DLG2: variants seen among roughly 807,000 people sequenced by gnomAD.
DLG2 encodes the protein disks large homolog 2.
A neutral mutation model predicts 132.5 loss-of-function variants in DLG2; 45 were observed. The observed-to-expected ratio is 0.34, with a 90% CI of 0.27 to 0.44. DLG2 has a LOEUF of 0.44. Ranked by LOEUF, DLG2 falls within the 20% of genes least tolerant of loss-of-function variation. DLG2 has a pLI of 1.00. For synonymous variants in DLG2, 424 were observed against 419.6 expected (o/e 1.01, Z -0.13); for missense variants, 1,045 against 1,196.9 (o/e 0.87, Z 1.87).
intron 18 of DLG2, among the ~76,000 whole-genome samples, chr11:83,743,891 C>T (rs552196199): frequency 3.9e-5 from 6 of 152,180 alleles, no homozygotes; most frequent in South Asian, 2.1e-4. Flanking sequence ...ATATTTATTA[C>T]GTACTGGGTA....
intron 6 of DLG2, among the ~76,000 whole-genome samples, chr11:85,054,322 A>G (rs780782182): frequency 2.0e-5 from 3 of 152,074 alleles, no homozygotes; most frequent in Non-Finnish European, 4.4e-5. Context: ...ACAATGAAAT[A>G]CTATCTCATA....
intron 6 of DLG2, among the ~76,000 whole-genome samples, chr11:84,537,612 T>C (rs17734964): frequency 6.6e-6 from 1 of 152,198 alleles, no homozygotes; most frequent in Non-Finnish European, 1.5e-5. Flanking sequence ...AACTTCTTCA[T>C]GTGCATGTTC....
intron 7 of DLG2, among the ~76,000 whole-genome samples, chr11:84,431,351 G>A: frequency 6.6e-6 from 1 of 152,100 alleles, no homozygotes; most frequent in Non-Finnish European, 1.5e-5. Context: ...CTAAAAACTA[G>A]TAGTAATAAT....
At chr11:85,071,690 G>T (rs1461787552) in intron 6 of DLG2, among the ~76,000 whole-genome samples, 4 of 151,698 alleles carry the variant, frequency 2.6e-5, no homozygotes, top group African/African-American at 7.3e-5. Flanking sequence ...AACATAAACT[G>T]ATCCTTGTAT....
In DLG2 at chr11:83,935,909, G is replaced by A. The variant is rs952472631; in HGVS notation, c.1341-5426C>T. On this transcript the variant is annotated intron_variant, in intron 14 of 27. Coordinates refer to ENST00000376104, the MANE Select transcript of DLG2 (RefSeq NM_001142699.3). ...TTCTTAACATCCTCATCTGGAAAGT[G>A]GGAATAGTAATATCAGCCTAAAGAT... Among the ~76,000 whole-genome samples the A allele has an allele frequency of 8.5e-5, 13 of 152,134 alleles. 1 individual carries two copies. Among genetic ancestry groups the A allele is most frequent in the African/African-American group, 3.1e-4 (13 of 41,422 alleles).
At chr11:84,123,969 G>A (rs2094041953) in intron 9 of DLG2, among the ~76,000 whole-genome samples, 1 of 152,142 alleles carries the variant, frequency 6.6e-6, no homozygotes. Flanking sequence ...TCTATTTTGT[G>A]ATTCATGCAT....
intron 7 of DLG2, among the ~76,000 whole-genome samples, chr11:84,360,958 TA>T (rs919469428): frequency 6.6e-6 from 1 of 151,266 alleles, no homozygotes; most frequent in Non-Finnish European, 1.5e-5. Flanking sequence ...CATATAAAGA[TA>T]AAAAAAGATA....
intron 7 of DLG2, among the ~76,000 whole-genome samples, chr11:84,403,794 T>C (rs2098839025): frequency 6.6e-6 from 1 of 152,170 alleles, no homozygotes; most frequent in African/African-American, 2.4e-5. Context: ...ACATCACCTT[T>C]GCTTTCACAT....
At chr11:84,210,944 C>T (rs1243182491) in intron 8 of DLG2, among the ~76,000 whole-genome samples, 1 of 152,162 alleles carries the variant, frequency 6.6e-6, no homozygotes, top group East Asian at 1.9e-4. Context: ...ACTCAGCAAT[C>T]TGTACACTTT....
rs1226412727 is a variant in DLG2, at chr11:85,160,848, GCATAC to G, written c.187-6202_187-6198del. ...ACAATTATGCAGGCACCATACCCCT[GCATAC>G]TACAGCTGCAGCACTACAACCCCTT... On this transcript the variant is annotated intron_variant, in intron 4 of 27. Transcript: ENST00000376104. Among the ~76,000 whole-genome samples, 287 of 152,248 alleles carry G rather than the reference GCATAC, an allele frequency of 1.9e-3. 1 individual carries two copies. The highest frequency in any genetic ancestry group is 6.7e-3 in the African/African-American group (279 of 41,552).
At chr11:84,629,010 T>G (rs2099627390) in intron 6 of DLG2, among the ~76,000 whole-genome samples, 1 of 152,204 alleles carries the variant, frequency 6.6e-6, no homozygotes, top group Non-Finnish European at 1.5e-5. Context: ...CCCATAGCTT[T>G]CTGCACACGG....
chr11:83,958,688 T>C (rs1443556532), intron 14 of DLG2, among the ~76,000 whole-genome samples: 1 of 152,166 alleles, frequency 6.6e-6, no homozygotes, highest in African/African-American at 2.4e-5. Context: ...GGTTTGCCTC[T>C]CTTCTGAGTA....
chr11:84,894,858 T>A (rs1197880189), intron 6 of DLG2, among the ~76,000 whole-genome samples: 2 of 151,582 alleles, frequency 1.3e-5, no homozygotes, highest in African/African-American at 4.9e-5. Flanking sequence ...TATGTCAGTG[T>A]CTTTCACCAC....
intron 8 of DLG2, among the ~76,000 whole-genome samples, chr11:84,195,236 T>C (rs947660677): frequency 1.3e-5 from 2 of 152,220 alleles, no homozygotes; most frequent in South Asian, 2.1e-4. Context: ...CGGTCTCAGC[T>C]CACTGCAATT....
chr11:83,476,559 G>GAACTT (rs1358181114), intron 22 of DLG2, among the ~76,000 whole-genome samples: 1 of 152,078 alleles, frequency 6.6e-6, no homozygotes. Context: ...TTCAGAAGAT[G>GAACTT]AACTTAATAT....
At chr11:84,618,753 C>T (rs2099608858) in intron 6 of DLG2, among the ~76,000 whole-genome samples, 1 of 151,926 alleles carries the variant, frequency 6.6e-6, no homozygotes, top group South Asian at 2.1e-4. Context: ...AATATGAGAC[C>T]ACCATCAAGG....
Position 84,499,510 on chromosome 11 carries a change from A to C in DLG2, c.519+35060T>G, listed in dbSNP as rs1049334111. 3.9e-5 allele frequency among the ~76,000 whole-genome samples: 6 copies of C among 152,322 alleles called. No homozygotes were observed. In the East Asian group the frequency reaches 1.2e-3, roughly 29 times the overall value. The stretch of plus-strand genomic sequence containing the variant: ...TCTGCATAATCTACAGATTCATAAC[A>C]ATGCCAAAACTGCTATACTAAACTA... On this transcript the variant is annotated intron_variant, in intron 7 of 27. Coordinates refer to ENST00000376104, the MANE Select transcript of DLG2 (RefSeq NM_001142699.3).
At chr11:83,631,518 C>T (rs2063557773) in intron 19 of DLG2, 1 of 152,030 alleles carries the variant, frequency 6.6e-6, no homozygotes. Flanking sequence ...GTCTTTGTCT[C>T]TTCTGTACGT....
chr11:85,484,292 C>G (rs531234608), intron 3 of DLG2, among the ~76,000 whole-genome samples: 2 of 119,192 alleles, frequency 1.7e-5, no homozygotes, highest in South Asian at 5.9e-4. Flanking sequence ...TAGGCATGGG[C>G]AAAGACTTCA....
Sources: allele counts gnomAD v4.1 joint callset (sites outside exome capture counted in the v4.1 genomes callset), GRCh38; gene constraint gnomAD v4.1.1; transcripts MANE v1.5; gene names NCBI Gene and HGNC (gene_info 2026-07-23, HGNC 2026-07-21).